TCF12: variants seen among roughly 807,000 people sequenced by gnomAD.
TCF12 encodes DNA-binding protein HTF4.
A neutral mutation model predicts 86.0 loss-of-function variants in TCF12; 45 were observed. The observed-to-expected ratio is 0.52, with a 90% CI of 0.41 to 0.67. The LOEUF is 0.67. Among genes scored for constraint, TCF12 ranks in the 30% least tolerant of loss-of-function variants. The pLI, the probability that TCF12 is intolerant of heterozygous loss-of-function variation, is 0.00. For missense variants in TCF12, 881 were observed against 859.9 expected (o/e 1.02, Z -0.31); for synonymous variants, 330 against 299.6 (o/e 1.10, Z -1.05).
chr15:56,932,562 A>T (rs1739446033), intron 3 of TCF12, among the ~76,000 whole-genome samples: 1 of 151,420 alleles, frequency 6.6e-6, no homozygotes, highest in Admixed American at 6.6e-5. Context: ...TATTTATTTA[A>T]TTATTATTAT....
intron 12 of TCF12, 71 bp from the exon 13 acceptor site, chr15:57,243,401 C>G (rs2059717384): frequency 2.3e-6 from 3 of 1,332,562 alleles, no homozygotes; most frequent in East Asian, 2.3e-5. Flanking sequence ...AAAAATAACT[C>G]CATGTGAACG....
At chr15:57,080,624 T>C (rs1295868663) in intron 4 of TCF12, among the ~76,000 whole-genome samples, 3 of 152,184 alleles carry the variant, frequency 2.0e-5, no homozygotes, top group Admixed American at 1.3e-4. Flanking sequence ...GAGCATTCAA[T>C]TGATGTTGGA....
chr15:57,051,495 T>C (rs1397951086), intron 3 of TCF12, among the ~76,000 whole-genome samples: 12 of 152,154 alleles, frequency 7.9e-5, no homozygotes, highest in African/African-American at 2.4e-4. Context: ...TCTCCTTCTT[T>C]TTTTTTTAAG....
At chr15:57,255,802 A>G (rs1310616122) in intron 16 of TCF12, among the ~76,000 whole-genome samples, 1 of 152,126 alleles carries the variant, frequency 6.6e-6, no homozygotes, top group African/African-American at 2.4e-5. Flanking sequence ...GTAAAAAGAA[A>G]AAAAAAATCT....
chr15:57,123,968 C>CAACAAAAAAAAAA (rs1369376179), intron 5 of TCF12, among the ~76,000 whole-genome samples: 36 of 81,066 alleles, frequency 4.4e-4, no homozygotes, highest in African/African-American at 1.4e-3. Context: ...GACTCCGTCT[C>CAACAAAAAAAAAA]AAAAAAAAAA....
chr15:57,246,275 C>T (rs1252968221), intron 13 of TCF12, among the ~76,000 whole-genome samples: 1 of 152,136 alleles, frequency 6.6e-6, no homozygotes, highest in Non-Finnish European at 1.5e-5. Flanking sequence ...TTTAAATCCC[C>T]AGTGTTTTCC....
At position 57,104,360 on chromosome 15, in the gene TCF12, T is replaced by C. The variant is rs1238710812; in HGVS notation, c.325+12469T>C. On this transcript the variant is annotated intron_variant, in intron 5 of 20. Coordinates refer to ENST00000333725, the MANE Select transcript of TCF12 (RefSeq NM_207037.2). Reference sequence around the variant, plus strand: ...TTCTTGGGAGGCTTAATAAGATAGTTGTAGCAATATACTAAGCACGTTGAT... The same window carrying C: ...TTCTTGGGAGGCTTAATAAGATAGTCGTAGCAATATACTAAGCACGTTGAT... 3.3e-5 allele frequency among the ~76,000 whole-genome samples: 5 copies of C among 152,052 alleles called. No homozygotes were observed. The East Asian group carries it at 9.6e-4, about 29-fold the overall frequency.
chr15:57,005,277 T>C lies in TCF12; in HGVS notation c.149-58473T>C, dbSNP rs567284937. Reference sequence around the variant, plus strand: ...TGATTTCCTTAGCATACCTCTTTAATACTCATGTACATTTTTTTAATCTCC... The same window carrying C: ...TGATTTCCTTAGCATACCTCTTTAACACTCATGTACATTTTTTTAATCTCC... On this transcript the variant is annotated intron_variant, in intron 3 of 20. Transcript: ENST00000333725. Among the ~76,000 whole-genome samples, 544 of 152,352 alleles carry C rather than the reference T, an allele frequency of 3.6e-3. 4 individuals are homozygous for C. The highest frequency in any genetic ancestry group is 0.012 in the African/African-American group (517 of 41,586).
At chr15:57,269,841 C>G (rs1213172722) in intron 18 of TCF12, among the ~76,000 whole-genome samples, 2 of 152,122 alleles carry the variant, frequency 1.3e-5, no homozygotes, top group Admixed American at 6.5e-5. Context: ...ATATGAAATT[C>G]TGGGTTGAAA....
At chr15:57,179,290 G>A (rs1242146316) in intron 6 of TCF12, among the ~76,000 whole-genome samples, 1 of 152,142 alleles carries the variant, frequency 6.6e-6, no homozygotes, top group Admixed American at 6.5e-5. Context: ...TGCAAGACCA[G>A]CCTGGCCAGC....
intron 8 of TCF12, chr15:57,219,720 C>CTTT (rs11395092): frequency 3.3e-3 from 974 of 295,304 alleles, no homozygotes; most frequent in South Asian, 4.6e-3. Flanking sequence ...TTGTAGATTT[C>CTTT]TTTTTTTTTT....
intron 3 of TCF12, among the ~76,000 whole-genome samples, chr15:57,041,816 G>A (rs1245550815): frequency 6.6e-6 from 1 of 152,168 alleles, no homozygotes. Context: ...TTTGTATGAA[G>A]AATGCTGCCT....
At chr15:57,270,556 A>G (rs192184775) in intron 18 of TCF12, among the ~76,000 whole-genome samples, 32 of 152,228 alleles carry the variant, frequency 2.1e-4, no homozygotes, top group African/African-American at 7.2e-4. Flanking sequence ...CCTGAAGCCT[A>G]CTTCTGTCAA....
At chr15:57,115,985 C>A (rs921671254) in intron 5 of TCF12, among the ~76,000 whole-genome samples, 1 of 152,144 alleles carries the variant, frequency 6.6e-6, no homozygotes, top group Non-Finnish European at 1.5e-5. Flanking sequence ...CCAGACTTAG[C>A]ATTTACATAG....
intron 5 of TCF12, among the ~76,000 whole-genome samples, chr15:57,135,728 A>C (rs1474247056): frequency 6.6e-6 from 1 of 152,182 alleles, no homozygotes; most frequent in Non-Finnish European, 1.5e-5. Context: ...GCAGTAATAA[A>C]GTTGCTGACT....
chr15:56,968,198 C>A (rs1037322199), intron 3 of TCF12, among the ~76,000 whole-genome samples: 1 of 152,122 alleles, frequency 6.6e-6, no homozygotes, highest in African/African-American at 2.4e-5. Flanking sequence ...CTCAGGTGAT[C>A]CACCTGCCTT....
chr15:57,243,466 G>A lies in TCF12; in HGVS notation c.1036-6G>A. 6.2e-7 allele frequency: 1 copy of A among 1,612,308 alleles called. No individual in the cohort carries two copies. The highest frequency in any genetic ancestry group is 8.5e-7 in the Non-Finnish European group (1 of 1,178,896). On this transcript the variant is annotated splice_region_variant and splice_polypyrimidine_tract_variant and intron_variant, in intron 12 of 20. Coordinates refer to ENST00000333725, the MANE Select transcript of TCF12 (RefSeq NM_207037.2). ...GATACATGTATATTTCTTGTTTTCT[G>A]GTTAGATTTATTCTCCTGACCATAC...
chr15:57,097,526 A>T lies in TCF12; in HGVS notation c.325+5635A>T, dbSNP rs185612655. Among the ~76,000 whole-genome samples the T allele has an allele frequency of 4.3e-3, 651 of 151,946 alleles. 3 individuals are homozygous for T. Among genetic ancestry groups the T allele is most frequent in the Non-Finnish European group, 7.8e-3 (531 of 67,938 alleles). On this transcript the variant is annotated intron_variant, in intron 5 of 20. Coordinates refer to ENST00000333725, the MANE Select transcript of TCF12 (RefSeq NM_207037.2). ...TGGGCAACAGATCCAACCCTGTCTT[A>T]AAAAAAATAATAAAAAATAAAAAAA...
chr15:57,069,235 C>T (rs1267273711), intron 4 of TCF12, among the ~76,000 whole-genome samples: 2 of 152,092 alleles, frequency 1.3e-5, no homozygotes, highest in African/African-American at 4.8e-5. Flanking sequence ...ATTGAGTTCA[C>T]TGATAGGAAA....
Sources: allele counts gnomAD v4.1 joint callset (sites outside exome capture counted in the v4.1 genomes callset), GRCh38; gene constraint gnomAD v4.1.1; transcripts MANE v1.5; gene names NCBI Gene and HGNC (gene_info 2026-07-23, HGNC 2026-07-21).